RLF: variants seen among roughly 807,000 people sequenced by gnomAD.
RLF encodes the protein zinc finger protein Rlf.
Under a neutral mutation model 162.9 loss-of-function variants are expected in RLF, and 7 were observed. The ratio of observed to expected loss-of-function variants is 0.04; its 90% CI spans 0.02 to 0.08. RLF has a LOEUF of 0.08. Ranked by LOEUF, RLF falls within the 10% of genes least tolerant of loss-of-function variation. The pLI is 1.00. For missense variants in RLF, 1,664 were observed against 2,244.7 expected (o/e 0.74, Z 5.23); for synonymous variants, 782 against 791.5 (o/e 0.99, Z 0.20).
chr1:40,214,732 G>A (rs1227503728), intron 5 of RLF, among the ~76,000 whole-genome samples: 1 of 151,572 alleles, frequency 6.6e-6, no homozygotes, highest in Non-Finnish European at 1.5e-5. Flanking sequence ...ATCTACATGT[G>A]CAACATGTAG....
In RLF at chr1:40,194,851, T is replaced by A. The variant is rs190273333; in HGVS notation, c.475-781T>A. Among the ~76,000 whole-genome samples, 273 of 143,974 alleles carry A rather than the reference T, an allele frequency of 1.9e-3. 1 individual carries two copies. The highest frequency in any genetic ancestry group is 7.8e-3 in the Admixed American group (109 of 14,030). 94.5% of individuals were successfully genotyped at this position (143,974 alleles called of 152,430 possible). On this transcript the variant is annotated intron_variant, in intron 3 of 7. Coordinates refer to ENST00000372771, the MANE Select transcript of RLF (RefSeq NM_012421.4). ...ATTTATTTATTTATTTATTTATTTATGAGACGGAGTCTTGTTCTGTCACCC... is the reference window on the plus strand; with the variant it reads ...ATTTATTTATTTATTTATTTATTTAAGAGACGGAGTCTTGTTCTGTCACCC...
At chr1:40,233,886 G>C (rs1017778606) in intron 7 of RLF, among the ~76,000 whole-genome samples, 3 of 152,112 alleles carry the variant, frequency 2.0e-5, no homozygotes, top group Non-Finnish European at 4.4e-5. Context: ...AGTTTGCAAG[G>C]GATTCTACAC....
chr1:40,208,316 C>G (rs1642823372), intron 5 of RLF, among the ~76,000 whole-genome samples: 1 of 152,140 alleles, frequency 6.6e-6, no homozygotes, highest in Non-Finnish European at 1.5e-5. Flanking sequence ...AAGCTATGAC[C>G]TAGGGCCTCA....
Position 40,237,431 on chromosome 1 carries a change from A to G in RLF, c.2729A>G (p.Glu910Gly). The change falls in exon 8 of 8, where the codon GAA becomes GGA. Residue 910 changes from glutamate to glycine, a missense_variant. Glu to Gly is a moderately conservative substitution (Grantham distance 98). This residue lies in a region of RLF where 295 missense variants were observed against 317.4 expected (regional missense o/e 0.93). Transcript: ENST00000372771. This position sits in a 1 kb window ranked among gnomAD's most constrained non-coding sequence, Gnocchi z 4.4. ...LSHSSSASMNEELIDTLDHSE... is the reference protein window; with the variant it reads ...LSHSSSASMNGELIDTLDHSE... ...CATAGCTCTTCAGCTTCAATGAATG[A>G]AGAGCTAATTGACACACTAGATCAC... The G allele has an allele frequency of 1.2e-6, 2 of 1,614,050 alleles. No individual in the cohort carries two copies. The highest frequency in any genetic ancestry group is 1.1e-5 in the South Asian group (1 of 91,076).
In RLF at chr1:40,240,075, G is replaced by A. The variant is rs754848496; in HGVS notation, c.5373G>A (p.Glu1791=). The A allele has an allele frequency of 3.1e-6, 5 of 1,613,918 alleles. No homozygotes were observed. In the African/African-American group the frequency reaches 5.3e-5, roughly 17 times the overall value. ...EEKEDDFDDW[E]PSEHLTLSNS... ...AAGAAGATGATTTTGATGATTGGGA[G>A]CCTTCAGAGCACTTAACATTAAGTA... is the stretch of plus-strand genomic sequence containing the variant. The change falls in exon 8 of 8, where the codon GAG becomes GAA. Residue 1791 remains glutamate (E), a synonymous_variant. Transcript: ENST00000372771.
chr1:40,166,663 A>G (rs925673976), intron 1 of RLF, among the ~76,000 whole-genome samples: 4 of 152,088 alleles, frequency 2.6e-5, no homozygotes, highest in African/African-American at 9.7e-5. Flanking sequence ...ACCATGGAAT[A>G]CCGTGCAGCC....
At chr1:40,166,747 T>C (rs1388725032) in intron 1 of RLF, among the ~76,000 whole-genome samples, 1 of 151,200 alleles carries the variant, frequency 6.6e-6, no homozygotes, top group Admixed American at 6.6e-5. Context: ...AGCAAACTAT[T>C]GCAAGGACAG....
intron 1 of RLF, among the ~76,000 whole-genome samples, chr1:40,163,213 A>G (rs868738156): frequency 6.6e-6 from 1 of 152,192 alleles, no homozygotes; most frequent in Admixed American, 6.6e-5. Context: ...TATGGGCTGC[A>G]AGGATGAAAA....
intron 1 of RLF, among the ~76,000 whole-genome samples, chr1:40,164,763 A>G (rs1385640416): frequency 6.6e-6 from 1 of 152,164 alleles, no homozygotes; most frequent in Non-Finnish European, 1.5e-5. Flanking sequence ...CAAAATTGAA[A>G]TTATTGAGTG....
At position 40,238,008 on chromosome 1, in the gene RLF, C is replaced by A; in HGVS notation, c.3306C>A (p.Ile1102=). The change falls in exon 8 of 8, where the codon ATC becomes ATA. Residue 1102 remains isoleucine (I), a synonymous_variant. Transcript: ENST00000372771. The surrounding 1 kb of genome is among the most constrained non-coding windows in gnomAD (Gnocchi z 5.2). ...AGTCTCTTCAGTCAGTTTCATCTATCTCAGACCTTAATTTTCAGAATCAAG... is the reference window on the plus strand; with the variant it reads ...AGTCTCTTCAGTCAGTTTCATCTATATCAGACCTTAATTTTCAGAATCAAG... ...GAKSLQSVSS[I]SDLNFQNQDE... 1 of 1,614,142 alleles carries A rather than the reference C, an allele frequency of 6.2e-7. No homozygotes were observed.
intron 1 of RLF, among the ~76,000 whole-genome samples, chr1:40,180,779 G>T (rs1393904192): frequency 6.6e-6 from 1 of 152,116 alleles, no homozygotes; most frequent in Non-Finnish European, 1.5e-5. Flanking sequence ...GTCTTTATGT[G>T]TTTAGATATT....
chr1:40,177,362 T>A (rs1642341672), intron 1 of RLF, among the ~76,000 whole-genome samples: 1 of 151,036 alleles, frequency 6.6e-6, no homozygotes, highest in Admixed American at 6.6e-5. Context: ...TGATCTCAGC[T>A]CACTGCAAGC....
chr1:40,212,380 A>G (rs562533726), intron 5 of RLF, among the ~76,000 whole-genome samples: 1 of 152,284 alleles, frequency 6.6e-6, no homozygotes, highest in Admixed American at 6.5e-5. Flanking sequence ...AGGTTGTGAT[A>G]CTTTATTTAT....
At chr1:40,185,550 C>T (rs539590789) in intron 1 of RLF, among the ~76,000 whole-genome samples, 6 of 102,880 alleles carry the variant, frequency 5.8e-5, no homozygotes, top group Non-Finnish European at 7.8e-5. Context: ...AAAAGCCGGG[C>T]GCAGTGGCTC....
In RLF at chr1:40,232,664, C is replaced by A. The variant is rs371741393; in HGVS notation, c.1089+1006C>A. ...CTGTTTTCAAGCAGCAAGGGTGCAACAAGTTGGTGCTTGAAACCTGACATC... is the reference window on the plus strand; with the variant it reads ...CTGTTTTCAAGCAGCAAGGGTGCAAAAAGTTGGTGCTTGAAACCTGACATC... On this transcript the variant is annotated intron_variant, in intron 7 of 7. Coordinates refer to ENST00000372771, the MANE Select transcript of RLF (RefSeq NM_012421.4). Among the ~76,000 whole-genome samples the A allele has an allele frequency of 8.5e-5, 13 of 152,248 alleles. 1 individual carries two copies. The highest frequency in any genetic ancestry group is 3.9e-4 in the East Asian group (2 of 5,184).
chr1:40,194,996 G>A (rs993743945), intron 3 of RLF, among the ~76,000 whole-genome samples: 13 of 110,132 alleles, frequency 1.2e-4, no homozygotes, highest in Admixed American at 1.0e-4. Flanking sequence ...ACCACGCCCG[G>A]CTAATTTTTT....
At chr1:40,181,706 C>CA (rs1642406698) in intron 1 of RLF, among the ~76,000 whole-genome samples, 6 of 152,176 alleles carry the variant, frequency 3.9e-5, no homozygotes, top group Admixed American at 3.9e-4. Flanking sequence ...AGCTGATCCT[C>CA]ACAAGTTATA....
chr1:40,170,086 A>G (rs1465776812), intron 1 of RLF, among the ~76,000 whole-genome samples: 2 of 152,080 alleles, frequency 1.3e-5, no homozygotes, highest in East Asian at 1.9e-4. Context: ...GGTCTAGAAC[A>G]TTTTGCCATA....
At chr1:40,184,734 G>GTA (rs1642449851) in intron 1 of RLF, among the ~76,000 whole-genome samples, 3 of 152,112 alleles carry the variant, frequency 2.0e-5, no homozygotes, top group Admixed American at 2.0e-4. Context: ...TGACCCCTTA[G>GTA]TATATATCAT....
Sources: gnomAD v4.1 joint callset for allele counts (sites outside exome capture counted in the v4.1 genomes callset) on GRCh38, gnomAD v4.1.1 for gene constraint, gnomAD v4.1.1 regional missense constraint, Gnocchi (gnomAD v3.1) non-coding constraint, MANE v1.5 for transcripts, NCBI Gene and HGNC (gene_info 2026-07-23, HGNC 2026-07-21) for gene names.